SLC16A2: variants seen among roughly 807,000 people sequenced by gnomAD.
The protein encoded by SLC16A2 is monocarboxylate transporter 8.
Under a neutral mutation model 27.2 loss-of-function variants are expected in SLC16A2, and 3 were observed. The observed-to-expected ratio is 0.11, with a 90% CI of 0.05 to 0.28. The LOEUF (loss-of-function observed/expected upper bound fraction) is 0.28. Among genes scored for constraint, SLC16A2 ranks in the 10% least tolerant of loss-of-function variants. The pLI, the probability that SLC16A2 is intolerant of heterozygous loss-of-function variation, is 1.00. For missense variants in SLC16A2, 295 were observed against 458.5 expected (o/e 0.64, Z 3.26); for synonymous variants, 202 against 187.8 (o/e 1.08, Z -0.62).
At chrX:74,445,996 C>G (rs1050696158) in intron 1 of SLC16A2, among the ~76,000 whole-genome samples, 1 of 111,433 alleles carries the variant, frequency 9.0e-6, no homozygotes, top group Admixed American at 9.5e-5. Context: ...TAACCATGCC[C>G]CTCTGCCTAA....
chrX:74,518,634 T>C (rs765432437), intron 1 of SLC16A2, among the ~76,000 whole-genome samples: 2 of 111,239 alleles, frequency 1.8e-5, no homozygotes, highest in South Asian at 7.6e-4. Flanking sequence ...GCTTTCTTGG[T>C]AAGGGCTATC....
intron 1 of SLC16A2, chrX:74,473,991 C>A: frequency 3.9e-6 from 1 of 258,284 alleles, no homozygotes; most frequent in South Asian, 1.2e-4. Context: ...GACGCTTCCT[C>A]AGCAGTGTCC....
intron 1 of SLC16A2, among the ~76,000 whole-genome samples, chrX:74,493,773 C>A (rs1403314697): frequency 3.6e-5 from 4 of 111,603 alleles, no homozygotes; most frequent in Non-Finnish European, 7.5e-5. Context: ...ACAGGAGGTG[C>A]AGGTGCGTGC....
At chrX:74,515,056 A>G (rs59991949) in intron 1 of SLC16A2, among the ~76,000 whole-genome samples, 1 of 112,420 alleles carries the variant, frequency 8.9e-6, no homozygotes, top group African/African-American at 3.2e-5. Flanking sequence ...AAAGACTATC[A>G]ACTGACACTA....
chrX:74,430,742 TTTG>T (rs767938353), intron 1 of SLC16A2, among the ~76,000 whole-genome samples: 15 of 111,105 alleles, frequency 1.4e-4, no homozygotes, highest in Non-Finnish European at 2.5e-4. Flanking sequence ...CAGTTTGGAG[TTTG>T]TTGTTGTTGT....
At chrX:74,435,993 G>A (rs1427017122) in intron 1 of SLC16A2, among the ~76,000 whole-genome samples, 1 of 111,355 alleles carries the variant, frequency 9.0e-6, no homozygotes, top group East Asian at 2.8e-4. Flanking sequence ...AACCAAGGAG[G>A]CTTTGGGAAC....
At chrX:74,505,123 C>G (rs1930101990) in intron 1 of SLC16A2, among the ~76,000 whole-genome samples, 1 of 111,978 alleles carries the variant, frequency 8.9e-6, no homozygotes, top group Non-Finnish European at 1.9e-5. Context: ...TTCAGCCCAT[C>G]CCTGATAGTT....
chrX:74,507,518 CTGAG>C (rs1216395711), intron 1 of SLC16A2, among the ~76,000 whole-genome samples: 3 of 111,849 alleles, frequency 2.7e-5, no homozygotes, highest in Non-Finnish European at 3.8e-5. Flanking sequence ...AACCCTGCTA[CTGAG>C]TATCTACTCA....
At chrX:74,426,748 A>G (rs995439175) in intron 1 of SLC16A2, among the ~76,000 whole-genome samples, 2 of 112,561 alleles carry the variant, frequency 1.8e-5, no homozygotes, top group Middle Eastern at 4.6e-3. Context: ...TTTACTATTC[A>G]TATGTCATAC....
chrX:74,479,839 C>A (rs1370904259), intron 1 of SLC16A2, among the ~76,000 whole-genome samples: 2 of 111,735 alleles, frequency 1.8e-5, no homozygotes, highest in East Asian at 5.7e-4. Context: ...GATCGTTCCT[C>A]TGGAAGTTTT....
chrX:74,428,829 A>G (rs761976132), intron 1 of SLC16A2, among the ~76,000 whole-genome samples: 35 of 111,999 alleles, frequency 3.1e-4, no homozygotes, highest in African/African-American at 1.1e-3. Flanking sequence ...GTCTTACTCA[A>G]TAATATTCAA....
intron 1 of SLC16A2, among the ~76,000 whole-genome samples, chrX:74,455,972 G>A (rs762431335): frequency 1.8e-5 from 2 of 112,150 alleles, no homozygotes; most frequent in East Asian, 5.6e-4. Context: ...TAGGCTGTGG[G>A]GAACTGAAGA....
At chrX:74,481,619 C>T (rs955819410) in intron 1 of SLC16A2, among the ~76,000 whole-genome samples, 1 of 109,393 alleles carries the variant, frequency 9.1e-6, no homozygotes, top group Non-Finnish European at 1.9e-5. Context: ...TCTAATTAAA[C>T]GTTTGCCAGT....
intron 1 of SLC16A2, among the ~76,000 whole-genome samples, chrX:74,428,566 CCCAACTCCTGCCAGAGTCACAGG>C (rs1034893554): frequency 9.0e-6 from 1 of 110,959 alleles, no homozygotes; most frequent in Non-Finnish European, 1.9e-5. Flanking sequence ...GTTGTATAGG[CCCAACTCCTGCCAGAGTCACAGG>C]CCCACTCCTA....
chrX:74,474,384 A>C (rs981628282), intron 1 of SLC16A2, among the ~76,000 whole-genome samples: 30 of 111,409 alleles, frequency 2.7e-4, no homozygotes, highest in African/African-American at 9.4e-4. Flanking sequence ...TAGTATATAG[A>C]AATGTAATTC....
intron 1 of SLC16A2, among the ~76,000 whole-genome samples, chrX:74,468,687 T>G (rs753014851): frequency 8.9e-6 from 1 of 112,167 alleles, no homozygotes; most frequent in Non-Finnish European, 1.9e-5. Flanking sequence ...ATATTTAATT[T>G]AATTTTTATG....
At chrX:74,459,289 G>A (rs1164882192) in intron 1 of SLC16A2, among the ~76,000 whole-genome samples, 1 of 7,664 alleles carries the variant, frequency 1.3e-4, no homozygotes, top group African/African-American at 5.0e-4. Context: ...GAAGGTGAGC[G>A]GTATCCTGGG....
intron 1 of SLC16A2, among the ~76,000 whole-genome samples, chrX:74,492,217 C>G (rs1020245821): frequency 2.7e-5 from 3 of 111,368 alleles, no homozygotes; most frequent in Non-Finnish European, 5.7e-5. Flanking sequence ...GGGAGGGGGA[C>G]TCATAGAAGA....
chrX:74,509,937 T>TCTTC (rs913906093), intron 1 of SLC16A2, among the ~76,000 whole-genome samples: 12 of 112,277 alleles, frequency 1.1e-4, no homozygotes, highest in African/African-American at 3.9e-4. Flanking sequence ...TCAGGATGGA[T>TCTTC]CTTCATCTGT....
Sources: gnomAD v4.1 joint callset for allele counts (sites outside exome capture counted in the v4.1 genomes callset) on GRCh38, gnomAD v4.1.1 for gene constraint, MANE v1.5 for transcripts, NCBI Gene and HGNC (gene_info 2026-07-23, HGNC 2026-07-21) for gene names.